CCSER1: variants seen among roughly 807,000 people sequenced by gnomAD.
CCSER1 encodes the protein serine-rich coiled-coil domain-containing protein 1.
CCSER1 carries 41 observed loss-of-function variants against 82.0 expected under a neutral mutation model. That is an observed-to-expected ratio of 0.50 (90% CI 0.39 to 0.65). The LOEUF (loss-of-function observed/expected upper bound fraction) is 0.65, where lower values mean the gene tolerates loss of function less well. Among genes scored for constraint, CCSER1 ranks in the 30% least tolerant of loss-of-function variants. CCSER1 has a pLI of 0.00. For synonymous variants in CCSER1, 414 were observed against 383.9 expected (o/e 1.08, Z -0.92); for missense variants, 1,119 against 1,064.2 (o/e 1.05, Z -0.72).
chr4:90,822,499 C>T lies in CCSER1; in HGVS notation c.2094+6654C>T, dbSNP rs570070631. ...ATCCCAGCACGTTGGGAGGCCAAGGCGGGCGAATCACGAGGTCAGGAGTTT... is the reference window on the plus strand; with the variant it reads ...ATCCCAGCACGTTGGGAGGCCAAGGTGGGCGAATCACGAGGTCAGGAGTTT... On this transcript the variant is annotated intron_variant, in intron 8 of 10. Transcript: ENST00000509176. 4.6e-5 allele frequency among the ~76,000 whole-genome samples: 7 copies of T among 152,156 alleles called. No homozygotes were observed. In the East Asian group the frequency reaches 5.8e-4, roughly 13 times the overall value.
At chr4:90,710,428 G>C (rs1008186582) in intron 6 of CCSER1, among the ~76,000 whole-genome samples, 1 of 152,052 alleles carries the variant, frequency 6.6e-6, no homozygotes, top group African/African-American at 2.4e-5. Context: ...GAATGGTATT[G>C]ACCAGATTTT....
intron 1 of CCSER1, among the ~76,000 whole-genome samples, chr4:90,207,294 T>G (rs1739042997): frequency 6.6e-6 from 1 of 152,180 alleles, no homozygotes; most frequent in Non-Finnish European, 1.5e-5. Context: ...TGTCTGTTGA[T>G]ACTTGTGAAT....
At chr4:91,046,608 A>G (rs1281287337) in intron 9 of CCSER1, among the ~76,000 whole-genome samples, 1 of 152,214 alleles carries the variant, frequency 6.6e-6, no homozygotes, top group African/African-American at 2.4e-5. Flanking sequence ...GATGAACCAG[A>G]TCTCTTTCAT....
At chr4:91,371,711 T>C (rs1301919456) in intron 10 of CCSER1, among the ~76,000 whole-genome samples, 1 of 152,194 alleles carries the variant, frequency 6.6e-6, no homozygotes, top group African/African-American at 2.4e-5. Flanking sequence ...ATTTTCATTC[T>C]TGACAATCTC....
At chr4:90,532,783 T>C (rs939088781) in intron 5 of CCSER1, among the ~76,000 whole-genome samples, 9 of 152,180 alleles carry the variant, frequency 5.9e-5, no homozygotes, top group Non-Finnish European at 1.2e-4. Context: ...TTTGTAGCTT[T>C]ATATCTCTAG....
chr4:90,237,593 A>G (rs919846967), intron 1 of CCSER1, among the ~76,000 whole-genome samples: 1 of 152,206 alleles, frequency 6.6e-6, no homozygotes, highest in Admixed American at 6.5e-5. Flanking sequence ...AAACAAGGCA[A>G]AATAACAATT....
chr4:90,138,399 A>G (rs536038970), intron 1 of CCSER1, among the ~76,000 whole-genome samples: 2 of 152,318 alleles, frequency 1.3e-5, no homozygotes, highest in South Asian at 2.1e-4. Context: ...AACTACTTCC[A>G]GTGCTAACCA....
At chr4:90,995,351 C>T (rs973685492) in intron 9 of CCSER1, among the ~76,000 whole-genome samples, 1 of 152,070 alleles carries the variant, frequency 6.6e-6, no homozygotes, top group African/African-American at 2.4e-5. Flanking sequence ...CAGAAGAATT[C>T]ACAGTAAATT....
chr4:91,530,948 A>G lies in CCSER1; in HGVS notation c.2218-67624A>G, dbSNP rs576679757. On this transcript the variant is annotated intron_variant, in intron 10 of 10. Transcript: ENST00000509176. ...GTGATCCACCTGCCTCGGCCTCCCA[A>G]AGTGCTAGTATTACAGGCATGAGCC... Among the ~76,000 whole-genome samples the G allele has an allele frequency of 3.0e-4, 45 of 152,168 alleles. No individual in the cohort carries two copies. In the East Asian group the frequency reaches 8.3e-3, roughly 28 times the overall value.
intron 8 of CCSER1, among the ~76,000 whole-genome samples, chr4:90,915,281 T>A (rs11097278): frequency 0.48 from 73,350 of 151,914 alleles, 19,946 homozygotes; most frequent in African/African-American, 0.75. Context: ...ATACTGGCAA[T>A]CTGAATCCAG....
chr4:91,074,948 CA>C (rs1217005602), intron 9 of CCSER1, among the ~76,000 whole-genome samples: 1 of 152,166 alleles, frequency 6.6e-6, no homozygotes, highest in East Asian at 1.9e-4. Flanking sequence ...ATAAATCAAC[CA>C]AATCTAGGGA....
chr4:90,149,480 G>A (rs1726409211), intron 1 of CCSER1, among the ~76,000 whole-genome samples: 1 of 152,218 alleles, frequency 6.6e-6, no homozygotes, highest in South Asian at 2.1e-4. Flanking sequence ...CATTAATCCA[G>A]CATCAACTGG....
chr4:91,147,682 G>A (rs566329014), intron 10 of CCSER1, among the ~76,000 whole-genome samples: 9 of 152,202 alleles, frequency 5.9e-5, no homozygotes, highest in South Asian at 2.1e-4. Flanking sequence ...TGATGGGGGC[G>A]GGCTCTCTCC....
chr4:90,291,305 C>CA lies in CCSER1; in HGVS notation c.-41-16933dup, dbSNP rs1490457490. Among the ~76,000 whole-genome samples the CA allele has an allele frequency of 2.6e-5, 4 of 152,000 alleles. No individual in the cohort carries two copies. The East Asian group carries it at 7.8e-4, about 29-fold the overall frequency. On this transcript the variant is annotated intron_variant, in intron 1 of 10. Transcript: ENST00000509176. ...AGTTTAGGTTTCCATTTATTATCCT[C>CA]AAAAAACAAGTTCATTTTCCAAATA...
intron 10 of CCSER1, among the ~76,000 whole-genome samples, chr4:91,248,079 G>A (rs1364967077): frequency 6.6e-6 from 1 of 152,112 alleles, no homozygotes; most frequent in Non-Finnish European, 1.5e-5. Flanking sequence ...ATTGTAGTAA[G>A]TCAAAAAGGC....
At chr4:90,719,241 C>G (rs550139950) in intron 6 of CCSER1, among the ~76,000 whole-genome samples, 1 of 152,004 alleles carries the variant, frequency 6.6e-6, no homozygotes, top group Non-Finnish European at 1.5e-5. Context: ...GTGTGAACTG[C>G]GCATGCGAGG....
At chr4:90,839,458 C>T (rs1762286100) in intron 8 of CCSER1, among the ~76,000 whole-genome samples, 1 of 152,196 alleles carries the variant, frequency 6.6e-6, no homozygotes, top group Non-Finnish European at 1.5e-5. Context: ...CCATGTGTTA[C>T]ATCTATAGAG....
intron 4 of CCSER1, among the ~76,000 whole-genome samples, chr4:90,409,442 C>G (rs1306817023): frequency 6.6e-6 from 1 of 152,192 alleles, no homozygotes; most frequent in Non-Finnish European, 1.5e-5. Flanking sequence ...TCGGCAGAAA[C>G]TCTACAAGCC....
intron 6 of CCSER1, among the ~76,000 whole-genome samples, chr4:90,722,639 A>T (rs1417927269): frequency 6.6e-6 from 1 of 151,744 alleles, no homozygotes; most frequent in African/African-American, 2.4e-5. Flanking sequence ...TTTTTACCTA[A>T]TTTCCTTCTT....
Sources: allele counts gnomAD v4.1 joint callset (sites outside exome capture counted in the v4.1 genomes callset), GRCh38; gene constraint gnomAD v4.1.1; transcripts MANE v1.5; gene names NCBI Gene and HGNC (gene_info 2026-07-23, HGNC 2026-07-21).